ELMOD1: variants seen among roughly 807,000 people sequenced by gnomAD.
ELMOD1 encodes ELMO domain containing 1.
ELMOD1 carries 21 observed loss-of-function variants against 46.7 expected under a neutral mutation model. The ratio of observed to expected loss-of-function variants is 0.45; its 90% CI spans 0.32 to 0.65. The LOEUF is 0.65. Among genes scored for constraint, ELMOD1 ranks in the 30% least tolerant of loss-of-function variants. ELMOD1 has a pLI of 0.04. For missense variants in ELMOD1, 348 were observed against 407.8 expected (o/e 0.85, Z 1.26); for synonymous variants, 122 against 138.2 (o/e 0.88, Z 0.82).
chr11:107,630,696 A>G lies in ELMOD1; in HGVS notation c.164-4A>G. ...AATGACTGTTTTTGTTGCTGCTTTCACAGAAACATCACTGAGGGATTCTAA... is the reference window on the plus strand; with the variant it reads ...AATGACTGTTTTTGTTGCTGCTTTCGCAGAAACATCACTGAGGGATTCTAA... On this transcript the variant is annotated splice_region_variant and splice_polypyrimidine_tract_variant and intron_variant, in intron 3 of 11. Transcript: ENST00000265840. The G allele has an allele frequency of 6.2e-7, 1 of 1,608,428 alleles. No individual in the cohort carries two copies. The highest frequency in any genetic ancestry group is 8.5e-7 in the Non-Finnish European group (1 of 1,177,332).
At chr11:107,622,212 G>C (rs937878606) in intron 2 of ELMOD1, among the ~76,000 whole-genome samples, 1 of 152,172 alleles carries the variant, frequency 6.6e-6, no homozygotes, top group Non-Finnish European at 1.5e-5. Context: ...GAAGGACTAG[G>C]ATTTTAATAT....
At chr11:107,615,513 G>A (rs1168606238) in intron 1 of ELMOD1, among the ~76,000 whole-genome samples, 3 of 151,960 alleles carry the variant, frequency 2.0e-5, no homozygotes, top group African/African-American at 4.8e-5. Context: ...GATTACAGGC[G>A]TGAGCCACCA....
At chr11:107,630,644 T>C in intron 3 of ELMOD1, 56 bp from the exon 4 acceptor site, 1 of 1,602,224 alleles carries the variant, frequency 6.2e-7, no homozygotes, top group Middle Eastern at 1.7e-4. Context: ...GTAGTAATTC[T>C]AAACCATGTG....
At chr11:107,602,608 C>T (rs1865619065) in intron 1 of ELMOD1, among the ~76,000 whole-genome samples, 1 of 151,928 alleles carries the variant, frequency 6.6e-6, no homozygotes, top group African/African-American at 2.4e-5. Context: ...TCTTAAAGTT[C>T]CCTTTTATTG....
chr11:107,614,806 C>T (rs1172871154), intron 1 of ELMOD1, among the ~76,000 whole-genome samples: 1 of 152,168 alleles, frequency 6.6e-6, no homozygotes, highest in African/African-American at 2.4e-5. Context: ...CTATTTTTCC[C>T]ATCCCTCTCA....
At chr11:107,627,048 G>A (rs11212302) in intron 2 of ELMOD1, among the ~76,000 whole-genome samples, 104,601 of 151,978 alleles carry the variant, frequency 0.69, 36,182 homozygotes, top group Non-Finnish European at 0.73. Context: ...TTATAACCTA[G>A]ACACAAAATA....
chr11:107,613,138 C>T (rs752677016), intron 1 of ELMOD1, among the ~76,000 whole-genome samples: 7 of 152,200 alleles, frequency 4.6e-5, no homozygotes, highest in Non-Finnish European at 1.0e-4. Context: ...TTTATTTTAA[C>T]AGTCTCTTAA....
chr11:107,629,773 T>C (rs1053845152), intron 2 of ELMOD1, among the ~76,000 whole-genome samples: 1 of 152,090 alleles, frequency 6.6e-6, no homozygotes, highest in East Asian at 1.9e-4. Flanking sequence ...AAATCAAAGG[T>C]CAAGGGTGCT....
intron 1 of ELMOD1, among the ~76,000 whole-genome samples, chr11:107,593,494 G>A (rs1031575912): frequency 2.6e-5 from 4 of 152,220 alleles, no homozygotes; most frequent in Non-Finnish European, 5.9e-5. Flanking sequence ...TTACTGAGAT[G>A]TTCAGAAAGA....
At chr11:107,618,694 G>A (rs1479094788) in intron 2 of ELMOD1, among the ~76,000 whole-genome samples, 5 of 152,182 alleles carry the variant, frequency 3.3e-5, no homozygotes, top group African/African-American at 1.2e-4. Context: ...TCTTACCTCA[G>A]TGATGTCTCT....
chr11:107,616,001 T>C (rs1168451224), intron 1 of ELMOD1, among the ~76,000 whole-genome samples: 1 of 139,866 alleles, frequency 7.1e-6, no homozygotes, highest in African/African-American at 2.7e-5. Context: ...TTTTTTTTTT[T>C]TTTTTTTTTT....
At chr11:107,631,191 A>G (rs1273102317) in intron 4 of ELMOD1, among the ~76,000 whole-genome samples, 1 of 152,102 alleles carries the variant, frequency 6.6e-6, no homozygotes, top group Non-Finnish European at 1.5e-5. Context: ...TTATCTTATT[A>G]ATTTTGACAT....
In ELMOD1 at chr11:107,591,237, G is replaced by A. The variant is rs1169026162; in HGVS notation, c.-258G>A. 6.6e-6 allele frequency: 1 copy of A among 151,968 alleles called. No individual in the cohort carries two copies. The highest frequency in any genetic ancestry group is 1.5e-5 in the Non-Finnish European group (1 of 68,008). 9.4% of individuals were successfully genotyped at this position (151,968 alleles called of 1,614,324 possible). ...TTCCTGCCCCGCCCCCGCCCCTTCC[G>A]CGCCCGCAGCCAGTGCGGCAGCCGC... On this transcript the variant is annotated 5_prime_UTR_variant, in exon 1 of 12. Transcript: ENST00000265840.
chr11:107,611,194 A>G lies in ELMOD1; in HGVS notation c.-85-6911A>G, dbSNP rs537610514. 2.0e-5 allele frequency among the ~76,000 whole-genome samples: 3 copies of G among 152,286 alleles called. No homozygotes were observed. In the South Asian group the frequency reaches 6.2e-4, roughly 32 times the overall value. On this transcript the variant is annotated intron_variant, in intron 1 of 11. Transcript: ENST00000265840. ...CAGACAACTGACAGAATGGGAGAAA[A>G]TATTCACAAACTATGCATCTGACAA...
intron 6 of ELMOD1, among the ~76,000 whole-genome samples, chr11:107,646,886 T>C (rs772001860): frequency 6.6e-6 from 1 of 152,152 alleles, no homozygotes; most frequent in East Asian, 1.9e-4. Flanking sequence ...CTTTTCTTTA[T>C]ACTCTTAAAT....
At chr11:107,621,416 T>C (rs1432378185) in intron 2 of ELMOD1, among the ~76,000 whole-genome samples, 1 of 152,226 alleles carries the variant, frequency 6.6e-6, no homozygotes, top group Admixed American at 6.5e-5. Context: ...TTAGCAAAAA[T>C]AACTACAAAT....
At chr11:107,618,577 T>C (rs1865898283) in intron 2 of ELMOD1, among the ~76,000 whole-genome samples, 2 of 152,226 alleles carry the variant, frequency 1.3e-5, no homozygotes, top group Admixed American at 1.3e-4. Flanking sequence ...TGGAAATAAG[T>C]ATCCTTTTAA....
At chr11:107,615,320 C>T (rs1414450552) in intron 1 of ELMOD1, among the ~76,000 whole-genome samples, 1 of 146,760 alleles carries the variant, frequency 6.8e-6, no homozygotes, top group Non-Finnish European at 1.5e-5. Context: ...ACTGCAACCT[C>T]TGCCTCCCGG....
At chr11:107,655,121 T>A (rs1348879472) in intron 10 of ELMOD1, among the ~76,000 whole-genome samples, 1 of 150,748 alleles carries the variant, frequency 6.6e-6, no homozygotes, top group African/African-American at 2.5e-5. Flanking sequence ...CATGTTAATA[T>A]TTTGTGGCAT....
Sources: allele counts gnomAD v4.1 joint callset (sites outside exome capture counted in the v4.1 genomes callset), GRCh38; gene constraint gnomAD v4.1.1; transcripts MANE v1.5; gene names NCBI Gene and HGNC (gene_info 2026-07-23, HGNC 2026-07-21).